CDC25A: variants seen among roughly 807,000 people sequenced by gnomAD.
CDC25A encodes M-phase inducer phosphatase 1.
CDC25A carries 17 observed loss-of-function variants against 64.6 expected under a neutral mutation model. The observed-to-expected ratio is 0.26, with a 90% CI of 0.18 to 0.39. The LOEUF (loss-of-function observed/expected upper bound fraction) is 0.39. CDC25A is among the 10% of genes least tolerant of loss of function. CDC25A has a pLI of 1.00. For missense variants in CDC25A, 473 were observed against 654.8 expected, an observed-to-expected ratio of 0.72 and a Z score of 3.03; for synonymous variants, 229 against 238.6, an observed-to-expected ratio of 0.96 and a Z score of 0.37.
intron 9 of CDC25A, among the ~76,000 whole-genome samples, chr3:48,173,790 C>T (rs1575266803): frequency 1.3e-5 from 2 of 152,128 alleles, no homozygotes; most frequent in Non-Finnish European, 2.9e-5. Flanking sequence ...CGGAGACTCA[C>T]AAATATACAG....
chr3:48,181,122 C>A (rs1031047635), intron 5 of CDC25A, among the ~76,000 whole-genome samples: 2 of 152,132 alleles, frequency 1.3e-5, no homozygotes, highest in African/African-American at 4.8e-5. Context: ...TTTCTGAAAT[C>A]TAAAGCAAAA....
intron 13 of CDC25A, among the ~76,000 whole-genome samples, chr3:48,163,636 ATG>A (rs1039886362): frequency 1.3e-5 from 2 of 152,190 alleles, no homozygotes; most frequent in Non-Finnish European, 2.9e-5. Context: ...TAATTTAAAA[ATG>A]TTTTTTAAAA....
intron 2 of CDC25A, 99 bp downstream of exon 2, chr3:48,186,604 C>T (rs2032853591): frequency 2.8e-6 from 2 of 716,062 alleles, no homozygotes; most frequent in Non-Finnish European, 4.8e-6. Flanking sequence ...CACCCAATGC[C>T]ATGACTTCCT....
chr3:48,164,250 T>G, intron 13 of CDC25A, 57 bp downstream of exon 13: 1 of 1,452,852 alleles, frequency 6.9e-7, no homozygotes, highest in Non-Finnish European at 9.1e-7. Context: ...AACCACCATG[T>G]CCCACAAAAG....
Position 48,157,255 on chromosome 3 carries a change from C to T in CDC25A, c.*1690G>A, listed in dbSNP as rs991484149. The stretch of plus-strand genomic sequence containing the variant: ...TAGCTAAGCTGGTATAATCTGAAGG[C>T]CATCCCACCTTTCTCTTTAGGCAGT... On this transcript the variant is annotated 3_prime_UTR_variant, in exon 15 of 15. Coordinates refer to ENST00000302506, the MANE Select transcript of CDC25A (RefSeq NM_001789.3). 12 of 152,200 alleles carry T rather than the reference C, an allele frequency of 7.9e-5. No homozygotes were observed. Among genetic ancestry groups the T allele is most frequent in the African/African-American group, 2.4e-4 (10 of 41,436 alleles). 9.4% of individuals were successfully genotyped at this position (152,200 alleles called of 1,614,324 possible). A position where few individuals can be genotyped will look rare whatever the true frequency, so the allele number is the denominator to read the frequency against.
intron 9 of CDC25A, among the ~76,000 whole-genome samples, chr3:48,173,027 A>G (rs1224342158): frequency 1.3e-5 from 2 of 151,984 alleles, no homozygotes; most frequent in African/African-American, 2.4e-5. Flanking sequence ...AGACCATCCT[A>G]GCTAACACTG....
rs1301370330 is a variant in CDC25A at position 48,184,578 on chromosome 3, C to T, written c.290+75G>A. On this transcript the variant is annotated intron_variant, in intron 3 of 14. Transcript: ENST00000302506. ...GGGCTCCAGTCCAGTGTATGAAGAA[C>T]TTCATTTAAATAAGGTATTTAAGTT... 7 of 1,009,792 alleles carry T rather than the reference C, an allele frequency of 6.9e-6. No individual in the cohort carries two copies. In the Admixed American group the frequency reaches 1.4e-4, roughly 21 times the overall value. The allele number at this position is 1,009,792 out of a possible 1,614,324, so 62.6% of individuals were successfully genotyped here. A position where few individuals can be genotyped will look rare whatever the true frequency, so the allele number is the denominator to read the frequency against.
chr3:48,165,013 G>T (rs2031942674), intron 12 of CDC25A, among the ~76,000 whole-genome samples: 2 of 149,160 alleles, frequency 1.3e-5, no homozygotes, highest in African/African-American at 4.9e-5. Flanking sequence ...GGAAGGCTGA[G>T]GCAGGAGAAT....
Position 48,159,056 on chromosome 3 carries a change from G to C in CDC25A, c.1464C>G (p.Pro488=), listed in dbSNP as rs1252993842. 1 of 1,614,074 alleles carries C rather than the reference G, an allele frequency of 6.2e-7. No individual in the cohort carries two copies. The highest frequency in any genetic ancestry group is 1.3e-5 in the African/African-American group (1 of 75,010). The part of the protein sequence containing the change: ...QSYCEPPSYR[P]MHHEDFKEDL... ...CTTCTTTAAAGTCCTCGTGGTGCAT[G>C]GGCCGGTAGCTAGGGGGCTCACAGT... The change falls in exon 15 of 15, where the codon CCC becomes CCG. Residue 488 remains proline (P), a synonymous_variant. Coordinates refer to ENST00000302506, the MANE Select transcript of CDC25A (RefSeq NM_001789.3).
intron 9 of CDC25A, among the ~76,000 whole-genome samples, chr3:48,171,187 C>G (rs2032255621): frequency 6.6e-6 from 1 of 151,562 alleles, no homozygotes; most frequent in African/African-American, 2.4e-5. Context: ...GCCTGGCCAA[C>G]TTGGTGAAAC....
chr3:48,172,259 TA>T (rs1401034075), intron 9 of CDC25A, among the ~76,000 whole-genome samples: 1 of 152,192 alleles, frequency 6.6e-6, no homozygotes. Context: ...AACAATACTT[TA>T]AAAACATTCA....
chr3:48,182,943 C>CA lies in CDC25A; in HGVS notation c.414dup (p.Glu139Ter). 1 of 1,610,834 alleles carries CA rather than the reference C, an allele frequency of 6.2e-7. No individual in the cohort carries two copies. Among genetic ancestry groups the CA allele is most frequent in the Non-Finnish European group, 8.5e-7 (1 of 1,176,998 alleles). On this transcript the variant is annotated frameshift_variant, in exon 5 of 15. Coordinates refer to ENST00000302506, the MANE Select transcript of CDC25A (RefSeq NM_001789.3). LOFTEE classifies it high-confidence loss of function. ...GTCACACTCACATTTTCCTTGTTCT[C>CA]ATCTGGGTCGATGAGCTGAAAGATG...
rs756655625 is a variant in CDC25A, at chr3:48,180,752, G to A, written c.518C>T (p.Thr173Ile). 2 of 1,614,130 alleles carry A rather than the reference G, an allele frequency of 1.2e-6. No homozygotes were observed. Among genetic ancestry groups the A allele is most frequent in the Admixed American group, 3.3e-5 (2 of 60,024 alleles). Residue 173 changes from threonine (T) to isoleucine (I), a missense_variant, in exon 6 of 15, where the codon ACA becomes ATA. Thr to Ile is a moderately conservative substitution (Grantham distance 89, BLOSUM62 -1). Coordinates refer to ENST00000302506, the MANE Select transcript of CDC25A (RefSeq NM_001789.3). ...AGCTGGGGCAGAGTTCTGCCTCTGTGTGAAGAGATCTTTACCCTCCTGGAG... is the reference window on the plus strand; with the variant it reads ...AGCTGGGGCAGAGTTCTGCCTCTGTATGAAGAGATCTTTACCCTCCTGGAG... ...HGLQEGKDLF[T>I]QRQNSAPARM...
intron 1 of CDC25A, 118 bp from the exon 2 acceptor site, chr3:48,186,897 ACAC>A (rs1330214116): frequency 7.5e-6 from 5 of 668,768 alleles, no homozygotes; most frequent in East Asian, 2.9e-5. Context: ...TTTCTAGGCC[ACAC>A]CACAAGTGGC....
chr3:48,169,331 A>G (rs928981289), intron 9 of CDC25A, among the ~76,000 whole-genome samples: 3 of 152,238 alleles, frequency 2.0e-5, no homozygotes, highest in Admixed American at 6.5e-5. Flanking sequence ...GCAATCACCA[A>G]TGGCTGCCTG....
chr3:48,164,627 G>A (rs968782028), intron 12 of CDC25A, among the ~76,000 whole-genome samples, 190 bp from the exon 13 acceptor site: 27 of 152,076 alleles, frequency 1.8e-4, no homozygotes, highest in Admixed American at 1.5e-3. Flanking sequence ...TTGTGGGTCC[G>A]TACACGTTCA....
Position 48,187,970 on chromosome 3 carries a change from C to T in CDC25A, c.-23G>A, listed in dbSNP as rs2032911152. The T allele has an allele frequency of 2.1e-6, 3 of 1,435,630 alleles. No homozygotes were observed. The highest frequency in any genetic ancestry group is 2.7e-6 in the Non-Finnish European group (3 of 1,100,378). The allele number at this position is 1,435,630 out of a possible 1,614,324, so 88.9% of individuals were successfully genotyped here. ...CATGGCGGCGCCCGGCCTCGCAGAGCTCCCGCTCCCTCTTCCTCTGCCTCC... is the reference window on the plus strand; with the variant it reads ...CATGGCGGCGCCCGGCCTCGCAGAGTTCCCGCTCCCTCTTCCTCTGCCTCC... On this transcript the variant is annotated 5_prime_UTR_variant, in exon 1 of 15. Coordinates refer to ENST00000302506, the MANE Select transcript of CDC25A (RefSeq NM_001789.3).
At position 48,165,819 on chromosome 3, in the gene CDC25A, G is replaced by A. The variant is rs1193798563; in HGVS notation, c.1092+12C>T. The A allele has an allele frequency of 6.2e-6, 10 of 1,605,804 alleles. No homozygotes were observed. Among genetic ancestry groups the A allele is most frequent in the Non-Finnish European group, 8.5e-6 (10 of 1,172,510 alleles). ...ACCCGATGTGTGGTGGGTTTCAAAA[G>A]GATGGACTTACAATTTCTGGAGAGA... On this transcript the variant is annotated intron_variant, in intron 11 of 14. Coordinates refer to ENST00000302506, the MANE Select transcript of CDC25A (RefSeq NM_001789.3).
chr3:48,178,430 G>C (rs1298805883), intron 6 of CDC25A, among the ~76,000 whole-genome samples: 3 of 86,038 alleles, frequency 3.5e-5, no homozygotes, highest in Admixed American at 1.1e-4. Context: ...GTTCTGACAG[G>C]GGGGAATAAA....
Sources: allele counts gnomAD v4.1 joint callset (sites outside exome capture counted in the v4.1 genomes callset), GRCh38; gene constraint gnomAD v4.1.1; transcripts MANE v1.5; gene names NCBI Gene and HGNC (gene_info 2026-07-23, HGNC 2026-07-21).